The following SMOC1 variants were observed in gnomAD, a reference collection of about 807,000 sequenced individuals.
The protein encoded by SMOC1 is SPARC related modular calcium binding 1.
SMOC1 carries 22 observed loss-of-function variants against 56.3 expected under a neutral mutation model. The ratio of observed to expected loss-of-function variants is 0.39; its 90% confidence interval spans 0.28 to 0.56. The LOEUF (loss-of-function observed/expected upper bound fraction) is 0.56, where lower values mean the gene tolerates loss of function less well. SMOC1 is among the 20% of genes least tolerant of loss of function. The pLI is 0.61. For synonymous variants in SMOC1, 193 were observed against 215.0 expected, an observed-to-expected ratio of 0.90 and a Z score of 0.89; for missense variants, 509 against 565.4, an observed-to-expected ratio of 0.90 and a Z score of 1.01.
intron 1 of SMOC1, among the ~76,000 whole-genome samples, chr14:69,891,555 C>T (rs1289290074): frequency 6.6e-6 from 1 of 152,096 alleles, no homozygotes; most frequent in Non-Finnish European, 1.5e-5. Flanking sequence ...CCTCTTCCCT[C>T]CCTACCCCCT....
chr14:69,995,678 T>C (rs972072109), intron 7 of SMOC1, among the ~76,000 whole-genome samples: 18 of 152,224 alleles, frequency 1.2e-4, no homozygotes, highest in African/African-American at 4.3e-4. Context: ...CTCAAAGGAC[T>C]ATGGTTAAAA....
intron 3 of SMOC1, among the ~76,000 whole-genome samples, chr14:69,973,161 G>A (rs1378956763): frequency 6.6e-6 from 1 of 152,186 alleles, no homozygotes; most frequent in South Asian, 2.1e-4. Flanking sequence ...GAGTCTGAAG[G>A]GATCAACTCC....
At chr14:69,885,479 G>T (rs941950595) in intron 1 of SMOC1, 2 of 1,600,212 alleles carry the variant, frequency 1.2e-6, no homozygotes, top group Non-Finnish European at 1.7e-6. Context: ...GGTCCTGATA[G>T]CTTCCACCAG....
chr14:70,019,760 T>C (rs1028750020), intron 10 of SMOC1, among the ~76,000 whole-genome samples: 4 of 152,168 alleles, frequency 2.6e-5, no homozygotes, highest in Admixed American at 2.6e-4. Flanking sequence ...TCCATGCCTA[T>C]CCAGCACTCC....
At chr14:69,999,067 G>C (rs1334910128) in intron 7 of SMOC1, among the ~76,000 whole-genome samples, 2 of 152,210 alleles carry the variant, frequency 1.3e-5, no homozygotes, top group African/African-American at 4.8e-5. Context: ...AGGTGGAAAT[G>C]CATTTCTTTT....
intron 7 of SMOC1, among the ~76,000 whole-genome samples, chr14:69,996,003 T>C (rs966105329): frequency 6.6e-6 from 1 of 152,170 alleles, no homozygotes; most frequent in African/African-American, 2.4e-5. Flanking sequence ...TCCTAGTCCC[T>C]GAGGCCCTGG....
chr14:69,959,138 T>C (rs1883286416), intron 3 of SMOC1, among the ~76,000 whole-genome samples: 4 of 152,232 alleles, frequency 2.6e-5, no homozygotes, highest in Admixed American at 2.6e-4. Flanking sequence ...TGTAATGTTA[T>C]ATATTGTTTT....
intron 1 of SMOC1, among the ~76,000 whole-genome samples, chr14:69,938,454 G>A (rs901994821): frequency 1.9e-4 from 29 of 151,878 alleles, no homozygotes; most frequent in African/African-American, 6.8e-4. Context: ...TAGTGGCGTC[G>A]TGAGGGCTAA....
In SMOC1 at chr14:69,886,609, C is replaced by T. The variant is rs552482100; in HGVS notation, c.99+6832C>T. On this transcript the variant is annotated intron_variant, in intron 1 of 11. Coordinates refer to ENST00000361956, the MANE Select transcript of SMOC1 (RefSeq NM_001034852.3). The stretch of plus-strand genomic sequence containing the variant: ...AGGGAAACTGGCTTTATAGCTCCTC[C>T]CCAGTCCTTTTTTGTATCTTGCATT... Among the ~76,000 whole-genome samples the T allele has an allele frequency of 2.6e-5, 4 of 152,304 alleles. No individual in the cohort carries two copies. In the East Asian group the frequency reaches 7.7e-4, roughly 29 times the overall value.
At chr14:69,990,579 T>C (rs1026591995) in intron 5 of SMOC1, among the ~76,000 whole-genome samples, 7 of 152,152 alleles carry the variant, frequency 4.6e-5, no homozygotes, top group African/African-American at 1.2e-4. Context: ...CAGTGGCTCA[T>C]TGAATTCAAT....
At chr14:70,013,594 A>G (rs1885410673) in intron 10 of SMOC1, 103 bp downstream of exon 10, 11 of 950,254 alleles carry the variant, frequency 1.2e-5, no homozygotes, top group Non-Finnish European at 1.9e-5. Flanking sequence ...TGAGGAGGGC[A>G]AGGGCTGGAA....
chr14:69,914,267 G>T (rs1339176189), intron 1 of SMOC1, among the ~76,000 whole-genome samples: 1 of 152,138 alleles, frequency 6.6e-6, no homozygotes, highest in Admixed American at 6.5e-5. Flanking sequence ...GGCTTTGTGG[G>T]GTATAGGGTC....
chr14:69,951,876 G>C (rs377129773), intron 1 of SMOC1, among the ~76,000 whole-genome samples: 235 of 152,316 alleles, frequency 1.5e-3, no homozygotes, highest in African/African-American at 5.5e-3. Flanking sequence ...TTGTTGTGAG[G>C]ACTGAGATCC....
At chr14:69,903,070 T>G (rs901264797) in intron 1 of SMOC1, among the ~76,000 whole-genome samples, 1 of 148,224 alleles carries the variant, frequency 6.7e-6, no homozygotes, top group African/African-American at 2.5e-5. Context: ...CGTCTCTGCC[T>G]GGCCGCCCAT....
intron 1 of SMOC1, among the ~76,000 whole-genome samples, chr14:69,917,560 G>A (rs1178916259): frequency 6.6e-6 from 1 of 152,226 alleles, no homozygotes. Context: ...TTGTTAGTAA[G>A]TGTTGTGTAA....
At chr14:69,893,333 G>A (rs570482996) in intron 1 of SMOC1, among the ~76,000 whole-genome samples, 9 of 152,190 alleles carry the variant, frequency 5.9e-5, no homozygotes, top group Admixed American at 2.0e-4. Context: ...TCTAACTTTC[G>A]GGAGGCATTG....
At chr14:69,880,187 G>A (rs1302085051) in intron 1 of SMOC1, among the ~76,000 whole-genome samples, 1 of 151,842 alleles carries the variant, frequency 6.6e-6, no homozygotes, top group African/African-American at 2.4e-5. Context: ...GGGTTGGGAC[G>A]GGGGCGGGTG....
At chr14:69,952,805 G>A (rs1452843244) in intron 2 of SMOC1, among the ~76,000 whole-genome samples, 1 of 152,218 alleles carries the variant, frequency 6.6e-6, no homozygotes, top group African/African-American at 2.4e-5. Context: ...GCAACACATG[G>A]CTAGACCTGC....
chr14:69,961,115 T>A (rs1200470083), intron 3 of SMOC1, among the ~76,000 whole-genome samples: 1 of 151,896 alleles, frequency 6.6e-6, no homozygotes, highest in Non-Finnish European at 1.5e-5. Flanking sequence ...TCTATTTCTA[T>A]GATTTGCTTA....
Sources: allele counts gnomAD v4.1 joint callset (sites outside exome capture counted in the v4.1 genomes callset), GRCh38; gene constraint gnomAD v4.1.1; transcripts MANE v1.5; gene names NCBI Gene and HGNC (gene_info 2026-07-23, HGNC 2026-07-21).